Variants in MAP3K5 observed in about 807,000 individuals in gnomAD.
MAP3K5 encodes mitogen-activated protein kinase kinase kinase 5, also known as ASK-1.
A neutral mutation model predicts 158.7 loss-of-function variants in MAP3K5; 56 were observed. That is an observed-to-expected ratio of 0.35 (90% confidence interval 0.28 to 0.44). The LOEUF is 0.44. MAP3K5 is among the 20% of genes least tolerant of loss of function. The pLI, the probability that MAP3K5 is intolerant of heterozygous loss-of-function variation, is 1.00. For synonymous variants in MAP3K5, 579 were observed against 601.7 expected (o/e 0.96, Z 0.55); for missense variants, 1,294 against 1,674.8 (o/e 0.77, Z 3.97).
chr6:136,743,648 TA>T (rs887502022), intron 1 of MAP3K5, among the ~76,000 whole-genome samples: 1 of 152,196 alleles, frequency 6.6e-6, no homozygotes, highest in African/African-American at 2.4e-5. Flanking sequence ...ACTAAACGTT[TA>T]TACTATTGCT....
chr6:136,637,496 T>C, intron 13 of MAP3K5, 90 bp from the exon 14 acceptor site: 2 of 798,496 alleles, frequency 2.5e-6, no homozygotes, highest in Admixed American at 1.8e-5. Context: ...GAACCAAAAC[T>C]GAGAGCTAAG....
At chr6:136,736,227 G>A (rs1028827108) in intron 1 of MAP3K5, among the ~76,000 whole-genome samples, 1 of 152,132 alleles carries the variant, frequency 6.6e-6, no homozygotes, top group African/African-American at 2.4e-5. Flanking sequence ...GATTCTTAAT[G>A]TGTCAACGAA....
chr6:136,685,003 G>A (rs764800489), intron 7 of MAP3K5, among the ~76,000 whole-genome samples: 38 of 152,100 alleles, frequency 2.5e-4, no homozygotes, highest in Non-Finnish European at 4.0e-4. Context: ...ACAATATACT[G>A]TAATTCAGCA....
chr6:136,651,119 T>C (rs746470041), intron 10 of MAP3K5, 28 bp from the exon 11 acceptor site: 3 of 1,248,672 alleles, frequency 2.4e-6, no homozygotes, highest in African/African-American at 1.5e-5. Context: ...AAGAAACTAA[T>C]ATCAGTGACT....
intron 2 of MAP3K5, among the ~76,000 whole-genome samples, chr6:136,714,506 T>A (rs753018023): frequency 7.9e-5 from 12 of 152,162 alleles, no homozygotes; most frequent in Non-Finnish European, 1.6e-4. Flanking sequence ...TTTTCAACGT[T>A]CATTTATGTT....
intron 11 of MAP3K5, among the ~76,000 whole-genome samples, chr6:136,647,380 T>G (rs1778310565): frequency 6.6e-6 from 1 of 152,080 alleles, no homozygotes; most frequent in Non-Finnish European, 1.5e-5. Context: ...GCATGAGGAG[T>G]TGAAGCGCAT....
chr6:136,560,182 T>C (rs766700215), intron 28 of MAP3K5, among the ~76,000 whole-genome samples: 9 of 152,200 alleles, frequency 5.9e-5, no homozygotes, highest in Non-Finnish European at 1.3e-4. Flanking sequence ...TTCACGCTCA[T>C]TACAAAAGTC....
At chr6:136,712,082 T>A (rs1387494233) in intron 2 of MAP3K5, among the ~76,000 whole-genome samples, 1 of 152,184 alleles carries the variant, frequency 6.6e-6, no homozygotes, top group Non-Finnish European at 1.5e-5. Flanking sequence ...TAAGTATATC[T>A]TGGTGGAAGA....
rs1491273659 is a variant in MAP3K5, at chr6:136,755,688, CCA to C, written c.449-35101_449-35100del. Reference sequence around the variant, plus strand: ...TGGGTGACAGAGCAAGACTCTGTCTCCAAAAAAAAAAAAAAAAAAAAGTTAAA... The same window carrying C: ...TGGGTGACAGAGCAAGACTCTGTCTCAAAAAAAAAAAAAAAAAAAGTTAAA... On this transcript the variant is annotated intron_variant, in intron 1 of 29. Coordinates refer to ENST00000359015, the MANE Select transcript of MAP3K5 (RefSeq NM_005923.4). Among the ~76,000 whole-genome samples, 100 of 49,574 alleles carry C rather than the reference CCA, an allele frequency of 2.0e-3. 2 individuals carry two copies. The highest frequency in any genetic ancestry group is 0.019 in the Middle Eastern group (1 of 54). 32.5% of individuals were successfully genotyped at this position (49,574 alleles called of 152,430 possible).
intron 6 of MAP3K5, among the ~76,000 whole-genome samples, chr6:136,695,304 A>C (rs1780556243): frequency 6.6e-6 from 1 of 151,464 alleles, no homozygotes; most frequent in Non-Finnish European, 1.5e-5. Flanking sequence ...CACCTGGCTA[A>C]TTTTTTTGTA....
chr6:136,734,063 T>C (rs1314990582), intron 1 of MAP3K5, among the ~76,000 whole-genome samples: 1 of 151,950 alleles, frequency 6.6e-6, no homozygotes, highest in African/African-American at 2.4e-5. Context: ...ATATAAGAAA[T>C]GTATAAGTCA....
chr6:136,754,388 G>A (rs145050039), intron 1 of MAP3K5, among the ~76,000 whole-genome samples: 30 of 152,200 alleles, frequency 2.0e-4, no homozygotes, highest in Admixed American at 1.9e-3. Context: ...CACCAGCCTG[G>A]GCAACATGGT....
chr6:136,562,669 TTTTTTA>T (rs1279176880), intron 26 of MAP3K5, 54 bp from the exon 27 acceptor site: 7 of 917,072 alleles, frequency 7.6e-6, no homozygotes, highest in Middle Eastern at 2.8e-4. Flanking sequence ...TGACCTTCTT[TTTTTTA>T]TTTTTATTTT....
intron 7 of MAP3K5, among the ~76,000 whole-genome samples, chr6:136,680,918 A>G (rs1040454559): frequency 4.6e-5 from 7 of 152,148 alleles, no homozygotes; most frequent in African/African-American, 1.4e-4. Context: ...TGTAGATTTA[A>G]TCTTGGAGGC....
intron 2 of MAP3K5, among the ~76,000 whole-genome samples, chr6:136,717,856 T>C (rs1369580059): frequency 6.6e-6 from 1 of 152,024 alleles, no homozygotes. Flanking sequence ...AGGCTAGGAA[T>C]AGTCTAAATA....
chr6:136,636,162 G>A (rs1444321124), intron 14 of MAP3K5, among the ~76,000 whole-genome samples: 1 of 151,706 alleles, frequency 6.6e-6, no homozygotes, highest in Non-Finnish European at 1.5e-5. Flanking sequence ...ATTAGGAGGT[G>A]AGGCCTTTGG....
At chr6:136,735,666 T>C (rs915262942) in intron 1 of MAP3K5, among the ~76,000 whole-genome samples, 4 of 151,860 alleles carry the variant, frequency 2.6e-5, no homozygotes, top group South Asian at 2.1e-4. Context: ...CCCATCTCTA[T>C]AAAAAGTGTT....
intron 7 of MAP3K5, among the ~76,000 whole-genome samples, chr6:136,690,395 G>A (rs780446258): frequency 6.6e-6 from 1 of 151,928 alleles, no homozygotes; most frequent in African/African-American, 2.4e-5. Context: ...TGGACCTAGG[G>A]GAGGCAAGTT....
chr6:136,693,340 G>A (rs944580769), intron 7 of MAP3K5, among the ~76,000 whole-genome samples: 7 of 152,116 alleles, frequency 4.6e-5, no homozygotes, highest in Non-Finnish European at 1.0e-4. Context: ...GTTAACTGGT[G>A]GAGCAAGTCC....
Sources: allele counts gnomAD v4.1 joint callset (sites outside exome capture counted in the v4.1 genomes callset), GRCh38; gene constraint gnomAD v4.1.1; transcripts MANE v1.5; gene names NCBI Gene and HGNC (gene_info 2026-07-23, HGNC 2026-07-21).